The following KLRG1 variants were observed in gnomAD, a reference collection of about 807,000 sequenced individuals.
The protein encoded by KLRG1 is killer cell lectin like receptor G1, also known as killer cell lectin-like receptor subfamily G member 1.
A neutral mutation model predicts 21.8 loss-of-function variants in KLRG1; 16 were observed. The ratio of observed to expected loss-of-function variants is 0.73; its 90% CI spans 0.50 to 1.11. The LOEUF is 1.11. Ranked by LOEUF, KLRG1 falls within the 50% of genes most tolerant of loss-of-function variation. The pLI, the probability that KLRG1 is intolerant of heterozygous loss-of-function variation, is 0.00. For missense variants in KLRG1, 173 were observed against 218.3 expected (o/e 0.79, Z 1.31); for synonymous variants, 69 against 75.9 (o/e 0.91, Z 0.47).
chr12:8,987,050 T>A (rs1305074813), upstream of KLRG1: 1 of 152,192 alleles, frequency 6.6e-6, no homozygotes, highest in Non-Finnish European at 1.5e-5. Context: ...ATTAAACCTC[T>A]TTTCTTTATC....
the KLRG1 span, chr12:9,202,582 T>G: frequency 6.2e-7 from 1 of 1,614,146 alleles, no homozygotes; most frequent in Non-Finnish European, 8.5e-7. Flanking sequence ...AGACTTTGGG[T>G]GTTCAGTACC....
At chr12:9,115,105 A>T in the KLRG1 span, 1 of 130,482 alleles carries the variant, frequency 7.7e-6, no homozygotes, top group Middle Eastern at 3.5e-3. Context: ...AGGTAAAACA[A>T]TTGCATCATT....
At chr12:9,149,671 T>A in the KLRG1 span, 35 of 1,509,460 alleles carry the variant, frequency 2.3e-5, no homozygotes, top group Non-Finnish European at 6.4e-6. Flanking sequence ...TAAATCTGTC[T>A]AGTCACTTTA....
chr12:9,196,279 C>T, the KLRG1 span: 6 of 1,307,138 alleles, frequency 4.6e-6, no homozygotes, highest in African/African-American at 8.7e-5. Context: ...GTGTCCTGTG[C>T]TTAGGTGCAA....
the KLRG1 span, among the ~76,000 whole-genome samples, chr12:9,182,381 C>T: frequency 6.6e-6 from 1 of 151,546 alleles, no homozygotes; most frequent in Non-Finnish European, 1.5e-5. Flanking sequence ...TTAACTGTTG[C>T]CTAAATCAAT....
chr12:8,999,596 A>G (rs1004168203), intron 3 of KLRG1, among the ~76,000 whole-genome samples: 11 of 152,218 alleles, frequency 7.2e-5, no homozygotes, highest in African/African-American at 2.7e-4. Flanking sequence ...ACTTTTCTGT[A>G]TATTTTTAAT....
chr12:9,161,309 A>T, the KLRG1 span, among the ~76,000 whole-genome samples: 1 of 152,232 alleles, frequency 6.6e-6, no homozygotes. Context: ...TCTGCAACAT[A>T]TTCAATTTCA....
chr12:9,101,188 A>G, the KLRG1 span: 4 of 1,561,104 alleles, frequency 2.6e-6, no homozygotes, highest in Non-Finnish European at 3.5e-6. Context: ...AGTTCGGACA[A>G]TGCCTCCCTT....
the KLRG1 span, chr12:9,072,618 C>T: frequency 6.2e-7 from 1 of 1,608,910 alleles, no homozygotes; most frequent in Non-Finnish European, 8.5e-7. Flanking sequence ...CTGCTGTCCT[C>T]ATCTGTCCTG....
intron 1 of KLRG1, among the ~76,000 whole-genome samples, chr12:8,981,926 T>G (rs1233656993): frequency 1.3e-5 from 2 of 152,208 alleles, no homozygotes; most frequent in East Asian, 3.8e-4. Context: ...AGGTGCATAC[T>G]TATTTATAGT....
chr12:9,197,329 T>C, the KLRG1 span, among the ~76,000 whole-genome samples: 1 of 148,178 alleles, frequency 6.7e-6, no homozygotes, highest in East Asian at 1.9e-4. Flanking sequence ...TACCACCACA[T>C]TCTCTTTGGG....
chr12:9,105,786 A>G, the KLRG1 span, among the ~76,000 whole-genome samples: 2 of 152,350 alleles, frequency 1.3e-5, no homozygotes, highest in South Asian at 4.1e-4. Context: ...TTATTGTAGA[A>G]TCTTTAATAC....
chr12:8,983,151 T>C (rs1179152825), intron 1 of KLRG1, among the ~76,000 whole-genome samples: 1 of 152,110 alleles, frequency 6.6e-6, no homozygotes, highest in Non-Finnish European at 1.5e-5. Flanking sequence ...AAAATAAATA[T>C]AATTCTTTAT....
chr12:9,098,826 A>C, the KLRG1 span: 5 of 1,541,202 alleles, frequency 3.2e-6, no homozygotes. Flanking sequence ...TCGCATTTGC[A>C]GAGTGTTCCT....
chr12:9,192,341 G>A, the KLRG1 span: 2 of 1,394,096 alleles, frequency 1.4e-6, no homozygotes, highest in South Asian at 2.4e-5. Flanking sequence ...ACTTTCAGTT[G>A]TCAAGTCTGT....
At chr12:9,116,187 C>T in the KLRG1 span, 2 of 336,178 alleles carry the variant, frequency 5.9e-6, no homozygotes, top group Non-Finnish European at 1.2e-5. Context: ...TCCCCCACAA[C>T]TCCTCACAAC....
intron 1 of KLRG1, among the ~76,000 whole-genome samples, chr12:8,954,049 A>T (rs575469241): frequency 7.8e-4 from 119 of 152,268 alleles, no homozygotes; most frequent in Non-Finnish European, 9.7e-4. Context: ...TGCCTCCTTT[A>T]TCCTTTTGAC....
the KLRG1 span, among the ~76,000 whole-genome samples, chr12:9,042,353 G>A: frequency 6.6e-6 from 1 of 152,136 alleles, no homozygotes; most frequent in Admixed American, 6.5e-5. Flanking sequence ...AATTACAACA[G>A]AGCAAAAGAT....
the KLRG1 span, among the ~76,000 whole-genome samples, chr12:9,188,476 CCT>C: frequency 6.6e-6 from 1 of 152,188 alleles, no homozygotes; most frequent in Non-Finnish European, 1.5e-5. Context: ...ACAAGGATGT[CCT>C]CTCTCACCAC....
Sources: gnomAD v4.1 joint callset for allele counts (sites outside exome capture counted in the v4.1 genomes callset) on GRCh38, gnomAD v4.1.1 for gene constraint, MANE v1.5 for transcripts, NCBI Gene and HGNC (gene_info 2026-07-23, HGNC 2026-07-21) for gene names.